Variants in ANOS1 observed in about 807,000 individuals in gnomAD.
The protein encoded by ANOS1 is anosmin-1.
In ANOS1, 6 loss-of-function variants were observed where a neutral mutation model predicts 59.0. The observed-to-expected ratio is 0.10, with a 90% CI of 0.06 to 0.20. The LOEUF (loss-of-function observed/expected upper bound fraction) is 0.20. ANOS1 is among the 10% of genes least tolerant of loss of function. ANOS1 has a pLI of 1.00. For synonymous variants in ANOS1, 217 were observed against 223.4 expected (o/e 0.97, Z 0.25); for missense variants, 433 against 542.3 (o/e 0.80, Z 2.00).
chrX:8,627,746 T>G (rs1931419591), intron 2 of ANOS1, among the ~76,000 whole-genome samples: 2 of 110,250 alleles, frequency 1.8e-5, no homozygotes, highest in Admixed American at 2.0e-4. Context: ...AAAAAAGATT[T>G]CAACAAAAGC....
intron 2 of ANOS1, among the ~76,000 whole-genome samples, chrX:8,649,610 T>C (rs143389327): frequency 0.031 from 3,465 of 112,436 alleles, 45 homozygotes; most frequent in African/African-American, 0.051. Flanking sequence ...CAAGAACACT[T>C]TGCATAAGCA....
At chrX:8,570,777 G>A in intron 6 of ANOS1, 73 bp from the exon 7 acceptor site, 2 of 957,878 alleles carry the variant, frequency 2.1e-6, no homozygotes, top group Non-Finnish European at 1.5e-6. Context: ...ATGACTACAT[G>A]GTCAACACGT....
intron 6 of ANOS1, among the ~76,000 whole-genome samples, chrX:8,576,507 C>G (rs1332690478): frequency 2.7e-5 from 3 of 109,361 alleles, no homozygotes; most frequent in African/African-American, 1.0e-4. Context: ...CACACACACA[C>G]ACACACACAC....
intron 2 of ANOS1, among the ~76,000 whole-genome samples, chrX:8,679,646 G>A (rs760583695): frequency 1.8e-5 from 2 of 110,799 alleles, no homozygotes; most frequent in African/African-American, 6.6e-5. Context: ...GAGGGAGGGG[G>A]AAATGAGAAG....
intron 4 of ANOS1, among the ~76,000 whole-genome samples, chrX:8,589,164 A>G (rs989847569): frequency 8.9e-6 from 1 of 112,429 alleles, no homozygotes; most frequent in Non-Finnish European, 1.9e-5. Context: ...GTCATCAAAT[A>G]TTTGGATGGA....
chrX:8,651,118 T>C (rs1931843547), intron 2 of ANOS1, among the ~76,000 whole-genome samples: 1 of 112,207 alleles, frequency 8.9e-6, no homozygotes, highest in Non-Finnish European at 1.9e-5. Flanking sequence ...GATCCCCTAA[T>C]ACCCTGGGAA....
At chrX:8,705,041 G>A (rs982012424) in intron 1 of ANOS1, among the ~76,000 whole-genome samples, 1 of 111,349 alleles carries the variant, frequency 9.0e-6, no homozygotes, top group Non-Finnish European at 1.9e-5. Context: ...TTCCTTGGGT[G>A]GAAGCAATTT....
chrX:8,627,025 T>C (rs1026782941), intron 2 of ANOS1, among the ~76,000 whole-genome samples: 2 of 111,928 alleles, frequency 1.8e-5, no homozygotes, highest in African/African-American at 6.5e-5. Context: ...TTAGTAGTTA[T>C]TTAAAAGTAT....
At chrX:8,719,321 T>C (rs891432283) in intron 1 of ANOS1, among the ~76,000 whole-genome samples, 1 of 112,415 alleles carries the variant, frequency 8.9e-6, no homozygotes, top group Non-Finnish European at 1.9e-5. Context: ...TAAGTCTAGA[T>C]GGACTGTCTC....
intron 2 of ANOS1, among the ~76,000 whole-genome samples, chrX:8,656,421 A>G (rs1194236997): frequency 9.0e-6 from 1 of 111,422 alleles, no homozygotes; most frequent in Non-Finnish European, 1.9e-5. Flanking sequence ...GCCCAACAAT[A>G]TTTAAGGCAC....
In ANOS1 at chrX:8,532,715, G is replaced by A; in HGVS notation, c.*280C>T. On this transcript the variant is annotated 3_prime_UTR_variant, in exon 14 of 14. Coordinates refer to ENST00000262648, the MANE Select transcript of ANOS1 (RefSeq NM_000216.4). ...AGTTCTGTTGTAATTCAATAGAAAT[G>A]AGCGACACCATACATGAAAACAAAA... 3.8e-6 allele frequency: 1 copy of A among 263,609 alleles called. No homozygotes were observed. The highest frequency in any genetic ancestry group is 6.8e-6 in the Non-Finnish European group (1 of 146,857). 21.7% of individuals were successfully genotyped at this position (263,609 alleles called of 1,213,427 possible).
chrX:8,713,592 CCTTTCTTTCTTTTTTTTTT>C (rs1354888188), intron 1 of ANOS1, among the ~76,000 whole-genome samples: 7 of 110,684 alleles, frequency 6.3e-5, no homozygotes, highest in Non-Finnish European at 9.5e-5. Flanking sequence ...CCAAATGTCT[CCTTTCTTTCTTTTTTTTTT>C]CTTTCTTTCT....
Position 8,674,597 on chromosome X carries a change from T to TA in ANOS1, c.255+25100dup, listed in dbSNP as rs762020951. 2.7e-5 allele frequency among the ~76,000 whole-genome samples: 3 copies of TA among 111,880 alleles called. No homozygotes were observed. The South Asian group carries it at 1.1e-3, about 42-fold the overall frequency. Reference sequence around the variant, plus strand: ...TAACACTAATCATAGCTGATGAGCTTAAAAAAAATTGCAAAAAAACTCACA... The same window carrying TA: ...TAACACTAATCATAGCTGATGAGCTTAAAAAAAAATTGCAAAAAAACTCACA... On this transcript the variant is annotated intron_variant, in intron 2 of 13. Transcript: ENST00000262648.
At chrX:8,545,022 C>T (rs1277078767) in intron 9 of ANOS1, among the ~76,000 whole-genome samples, 2 of 89,198 alleles carry the variant, frequency 2.2e-5, no homozygotes, top group African/African-American at 8.9e-5. Flanking sequence ...GCCGAGATTG[C>T]GACATTGCAC....
At chrX:8,576,352 G>A in intron 6 of ANOS1, among the ~76,000 whole-genome samples, 1 of 110,645 alleles carries the variant, frequency 9.0e-6, no homozygotes, top group African/African-American at 3.3e-5. Flanking sequence ...GAAGCAAGGT[G>A]TATTCATTCG....
intron 6 of ANOS1, among the ~76,000 whole-genome samples, chrX:8,580,901 C>A (rs778527747): frequency 2.7e-5 from 3 of 112,001 alleles, no homozygotes; most frequent in Non-Finnish European, 3.8e-5. Flanking sequence ...TTACTCCTTG[C>A]ACAGACTACT....
intron 2 of ANOS1, among the ~76,000 whole-genome samples, chrX:8,656,330 GAGCCTGGCAAATTGTGT>G (rs1931930208): frequency 8.9e-6 from 1 of 112,012 alleles, no homozygotes; most frequent in African/African-American, 3.2e-5. Flanking sequence ...AATGTCCTAG[GAGCCTGGCAAATTGTGT>G]AGCCTTTCTC....
intron 4 of ANOS1, among the ~76,000 whole-genome samples, chrX:8,594,701 CAT>C (rs766705328): frequency 2.1e-5 from 1 of 46,716 alleles, no homozygotes; most frequent in East Asian, 8.6e-4. Flanking sequence ...TATATATACA[CAT>C]ATATATACAC....
chrX:8,685,189 A>C (rs1932488623), intron 2 of ANOS1, among the ~76,000 whole-genome samples: 1 of 111,386 alleles, frequency 9.0e-6, no homozygotes, highest in Non-Finnish European at 1.9e-5. Flanking sequence ...TTTCCTATTT[A>C]AACCCTGCGT....
Sources: allele counts gnomAD v4.1 joint callset (sites outside exome capture counted in the v4.1 genomes callset), GRCh38; gene constraint gnomAD v4.1.1; transcripts MANE v1.5; gene names NCBI Gene and HGNC (gene_info 2026-07-23, HGNC 2026-07-21).